The following PRPF4 variants were observed in gnomAD, a reference collection of about 807,000 sequenced individuals.
PRPF4 encodes the protein U4/U6 small nuclear ribonucleoprotein Prp4.
Under a neutral mutation model 72.2 loss-of-function variants are expected in PRPF4, and 14 were observed. The observed-to-expected ratio is 0.19, with a 90% CI of 0.13 to 0.30. The LOEUF (loss-of-function observed/expected upper bound fraction) is 0.30. Among genes scored for constraint, PRPF4 ranks in the 10% least tolerant of loss-of-function variants. The pLI is 1.00. For missense variants in PRPF4, 478 were observed against 653.9 expected (o/e 0.73, Z 2.93); for synonymous variants, 225 against 232.2 (o/e 0.97, Z 0.28).
intron 10 of PRPF4, 71 bp downstream of exon 10, chr9:113,288,335 C>G (rs1832510448): frequency 7.0e-7 from 1 of 1,424,874 alleles, no homozygotes; most frequent in Non-Finnish European, 9.7e-7. Flanking sequence ...GGCTATCTGC[C>G]AGGTAAATTT....
Position 113,279,006 on chromosome 9 carries a change from T to G in PRPF4, c.267T>G (p.Phe89Leu). The G allele has an allele frequency of 6.2e-7, 1 of 1,614,222 alleles. No homozygotes were observed. Among genetic ancestry groups the G allele is most frequent in the Non-Finnish European group, 8.5e-7 (1 of 1,180,040 alleles). Residue 89 changes from phenylalanine (F) to leucine (L), a missense_variant, in exon 3 of 14, where the codon TTT becomes TTG. Coordinates refer to ENST00000374198, the MANE Select transcript of PRPF4 (RefSeq NM_001244926.2). ...SERQAEVLAE[F>L]ERRKRARQIN... ...GACAGGCAGAAGTATTGGCTGAGTT[T>G]GAGAGAAGGAAGCGAGCCCGGCAGA...
chr9:113,280,747 A>G (rs28733164), intron 3 of PRPF4, among the ~76,000 whole-genome samples: 10,174 of 152,230 alleles, frequency 0.067, 452 homozygotes, highest in South Asian at 0.16. Context: ...GAATAGCCAC[A>G]TTGGTCCTTA....
intron 8 of PRPF4, among the ~76,000 whole-genome samples, 196 bp downstream of exon 8, chr9:113,286,486 C>G (rs964066092): frequency 2.6e-5 from 4 of 152,168 alleles, no homozygotes; most frequent in Admixed American, 1.3e-4. Context: ...CAGTCACACT[C>G]TGGCATTTTA....
rs1832505773 is a variant in PRPF4, at chr9:113,288,192, A to G, written c.950A>G (p.Asp317Gly). 6.2e-7 allele frequency: 1 copy of G among 1,614,238 alleles called. No individual in the cohort carries two copies. Residue 317 changes from aspartate (D) to glycine (G), a missense_variant, in exon 10 of 14, where the codon GAT becomes GGT. Coordinates refer to ENST00000374198, the MANE Select transcript of PRPF4 (RefSeq NM_001244926.2). ...WSLDSDEPVA[D>G]IEGHTVRVAR... ...CTTTCCAGTGATGAACCAGTGGCAG[A>G]TATTGAAGGCCATACAGTGCGTGTG... is the stretch of plus-strand genomic sequence containing the variant.
chr9:113,276,580 T>C lies in PRPF4; in HGVS notation c.60T>C (p.Val20=), dbSNP rs1268108490. 6.2e-7 allele frequency: 1 copy of C among 1,614,066 alleles called. No individual in the cohort carries two copies. The highest frequency in any genetic ancestry group is 8.5e-7 in the Non-Finnish European group (1 of 1,180,038). Reference sequence around the variant, plus strand: ...AAACTAAAGCACCCGACGACTTAGTTGCTCCGGTCGTGAAGAAACCACACA... The same window carrying C: ...AAACTAAAGCACCCGACGACTTAGTCGCTCCGGTCGTGAAGAAACCACACA... ...ATKTKAPDDL[V]APVVKKPHIY... The change falls in exon 2 of 14, where the codon GTT becomes GTC. Residue 20 remains valine (V), a synonymous_variant. Coordinates refer to ENST00000374198, the MANE Select transcript of PRPF4 (RefSeq NM_001244926.2).
chr9:113,290,002 C>G (rs965812275), intron 10 of PRPF4, among the ~76,000 whole-genome samples: 10 of 152,018 alleles, frequency 6.6e-5, no homozygotes, highest in African/African-American at 2.4e-4. Flanking sequence ...GGTGGATCAC[C>G]TGAGCTCAGG....
At chr9:113,286,329 A>G (rs1437021229) in intron 8 of PRPF4, 39 bp downstream of exon 8, 2 of 1,541,836 alleles carry the variant, frequency 1.3e-6, no homozygotes, top group Admixed American at 1.7e-5. Flanking sequence ...TCTTTTTCCC[A>G]GTGTGAACTC....
At chr9:113,279,262 T>C (rs1023717658) in intron 3 of PRPF4, 131 bp downstream of exon 3, 9 of 847,706 alleles carry the variant, frequency 1.1e-5, no homozygotes, top group African/African-American at 3.4e-5. Context: ...ACTGTGTTTA[T>C]ATGAGTTAGC....
intron 1 of PRPF4, 49 bp from the exon 2 acceptor site, chr9:113,276,499 A>G: frequency 3.1e-6 from 5 of 1,601,550 alleles, no homozygotes; most frequent in Non-Finnish European, 4.3e-6. Context: ...GAAGTCCGGT[A>G]AATTGCCAAG....
In PRPF4 at chr9:113,291,815, C is replaced by T; in HGVS notation, c.*155C>T. The T allele has an allele frequency of 1.3e-6, 1 of 760,338 alleles. No homozygotes were observed. Among genetic ancestry groups the T allele is most frequent in the East Asian group, 2.8e-5 (1 of 36,030 alleles). The allele number at this position is 760,338 out of a possible 1,614,324, so 47.1% of individuals were successfully genotyped here. A position where few individuals can be genotyped will look rare whatever the true frequency, so the allele number is the denominator to read the frequency against. ...TGGATTTCCATGTCAGCCCCCACTC[C>T]AGGAAGGCAGCCCAATCCCTAGGTG... On this transcript the variant is annotated 3_prime_UTR_variant, in exon 14 of 14. Coordinates refer to ENST00000374198, the MANE Select transcript of PRPF4 (RefSeq NM_001244926.2).
At chr9:113,276,821 AT>A (rs780403020) in intron 2 of PRPF4, 96 bp downstream of exon 2, 36,924 of 1,031,706 alleles carry the variant, frequency 0.036, no homozygotes, top group East Asian at 0.041. Context: ...AAAAATTACA[AT>A]TTTTTTTTTT....
Position 113,291,920 on chromosome 9 carries a change from A to C in PRPF4, c.*260A>C. 3.4e-6 allele frequency: 1 copy of C among 293,728 alleles called. No individual in the cohort carries two copies. The highest frequency in any genetic ancestry group is 6.4e-5 in the South Asian group (1 of 15,680). The allele number at this position is 293,728 out of a possible 1,614,324, so 18.2% of individuals were successfully genotyped here. A position where few individuals can be genotyped will look rare whatever the true frequency, so the allele number is the denominator to read the frequency against. On this transcript the variant is annotated 3_prime_UTR_variant, in exon 14 of 14. Transcript: ENST00000374198. ...AACTGTGTAGACATTGTTTTTATTA[A>C]TCTTTTGTTTGGCCGGGCGTGGTGG...
chr9:113,280,882 C>T lies in PRPF4; in HGVS notation c.392+1751C>T, dbSNP rs546525290. 1.1e-3 allele frequency among the ~76,000 whole-genome samples: 161 copies of T among 152,106 alleles called. 2 individuals carry two copies. Among genetic ancestry groups the T allele is most frequent in the South Asian group, 7.1e-3 (34 of 4,790 alleles). Reference sequence around the variant, plus strand: ...TTGAAACGGAGTCTCGCTCTGTCACCCAGGGTGGAGTGCGGTGGTGCAATC... The same window carrying T: ...TTGAAACGGAGTCTCGCTCTGTCACTCAGGGTGGAGTGCGGTGGTGCAATC... On this transcript the variant is annotated intron_variant, in intron 3 of 13. Transcript: ENST00000374198.
chr9:113,286,768 A>G lies in PRPF4; in HGVS notation c.872A>G (p.Lys291Arg). The stretch of plus-strand genomic sequence containing the variant: ...AAATCCACTGTCTCCTTGGACCCAA[A>G]AGATGTCAACCTGGCCTCTTGTGCG... ...HPKSTVSLDP[K>R]DVNLASCAAD... The change falls in exon 9 of 14, where the codon AAA becomes AGA. Residue 291 changes from lysine (K) to arginine (R), a missense_variant. Physicochemically the swap from Lys to Arg is conservative, Grantham distance 26. Transcript: ENST00000374198. 1 of 1,614,202 alleles carries G rather than the reference A, an allele frequency of 6.2e-7. No homozygotes were observed. The highest frequency in any genetic ancestry group is 8.5e-7 in the Non-Finnish European group (1 of 1,180,014).
At chr9:113,286,396 T>G in intron 8 of PRPF4, 106 bp downstream of exon 8, 1 of 1,119,920 alleles carries the variant, frequency 8.9e-7, no homozygotes, top group African/African-American at 1.5e-5. Flanking sequence ...CATTAATCCT[T>G]GATTTGATTT....
intron 3 of PRPF4, 42 bp from the exon 4 acceptor site, chr9:113,282,599 TATCTC>T: frequency 2.1e-6 from 3 of 1,411,836 alleles, no homozygotes; most frequent in Middle Eastern, 4.7e-4. Context: ...AAAACAGTAT[TATCTC>T]AACCATGTTT....
intron 9 of PRPF4, 84 bp downstream of exon 9, chr9:113,286,912 C>A: frequency 6.2e-7 from 1 of 1,602,004 alleles, no homozygotes; most frequent in South Asian, 1.1e-5. Context: ...CAGTAAAAAT[C>A]TGGCATTTAG....
chr9:113,285,307 A>AGGCTG (rs1047434978), intron 7 of PRPF4, among the ~76,000 whole-genome samples: 10 of 138,262 alleles, frequency 7.2e-5, no homozygotes, highest in African/African-American at 1.1e-4. Context: ...GTTTGAGACC[A>AGGCTG]GGCTGGGCAA....
chr9:113,292,477 TAG>T lies in PRPF4; in HGVS notation c.*819_*820del, dbSNP rs1832635938. On this transcript the variant is annotated 3_prime_UTR_variant, in exon 14 of 14. Coordinates refer to ENST00000374198, the MANE Select transcript of PRPF4 (RefSeq NM_001244926.2). ...CCCTGGAGAATGGGATGTGAAGCAG[TAG>T]ACCGCAGCCACGCCGATGGTTATAC... 1 of 152,206 alleles carries T rather than the reference TAG, an allele frequency of 6.6e-6. No individual in the cohort carries two copies. Among genetic ancestry groups the T allele is most frequent in the Non-Finnish European group, 1.5e-5 (1 of 68,044 alleles). 9.4% of individuals were successfully genotyped at this position (152,206 alleles called of 1,614,324 possible). A position where few individuals can be genotyped will look rare whatever the true frequency, so the allele number is the denominator to read the frequency against.
Sources: gnomAD v4.1 joint callset for allele counts (sites outside exome capture counted in the v4.1 genomes callset) on GRCh38, gnomAD v4.1.1 for gene constraint, MANE v1.5 for transcripts, NCBI Gene and HGNC (gene_info 2026-07-23, HGNC 2026-07-21) for gene names.